Variants in PTPN1 observed in about 807,000 individuals in gnomAD.
The protein encoded by PTPN1 is protein tyrosine phosphatase non-receptor type 1.
Under a neutral mutation model 59.9 loss-of-function variants are expected in PTPN1, and 12 were observed. The ratio of observed to expected loss-of-function variants is 0.20; its 90% confidence interval spans 0.13 to 0.32. PTPN1 has a LOEUF of 0.32. PTPN1 is among the 10% of genes least tolerant of loss of function. The pLI is 1.00. For synonymous variants in PTPN1, 178 were observed against 203.6 expected, an observed-to-expected ratio of 0.87 and a Z score of 1.07; for missense variants, 356 against 549.2, an observed-to-expected ratio of 0.65 and a Z score of 3.52.
chr20:50,583,764 A>C lies in PTPN1; in HGVS notation c.*1049A>C, dbSNP rs1430335649. 1 of 152,658 alleles carries C rather than the reference A, an allele frequency of 6.6e-6. No homozygotes were observed. Among genetic ancestry groups the C allele is most frequent in the Non-Finnish European group, 1.5e-5 (1 of 68,058 alleles). 9.5% of individuals were successfully genotyped at this position (152,658 alleles called of 1,614,324 possible). On this transcript the variant is annotated 3_prime_UTR_variant, in exon 10 of 10. Coordinates refer to ENST00000371621, the MANE Select transcript of PTPN1 (RefSeq NM_002827.4). ...GAGGCCCAGCCTGTCCTGGTACAGC[A>C]GGGTCTTGCTGTAACTCAGACATTC...
chr20:50,576,207 C>T (rs1049000747), intron 5 of PTPN1, among the ~76,000 whole-genome samples: 2 of 152,162 alleles, frequency 1.3e-5, no homozygotes, highest in Non-Finnish European at 2.9e-5. Context: ...AGGATTTATG[C>T]AGTAGCCTTT....
intron 1 of PTPN1, among the ~76,000 whole-genome samples, chr20:50,513,582 C>G (rs2206656): frequency 0.42 from 64,493 of 151,990 alleles, 13,949 homozygotes; most frequent in African/African-American, 0.53. Context: ...TGCAATAATA[C>G]CTTGTGACAT....
chr20:50,551,659 G>T (rs1426060013), intron 1 of PTPN1, among the ~76,000 whole-genome samples: 1 of 152,218 alleles, frequency 6.6e-6, no homozygotes, highest in Non-Finnish European at 1.5e-5. Context: ...AACCACTGAG[G>T]TGTGGACTGG....
chr20:50,581,164 A>G (rs1258953017), intron 8 of PTPN1, 101 bp from the exon 9 acceptor site: 1 of 1,482,322 alleles, frequency 6.7e-7, no homozygotes, highest in South Asian at 1.4e-5. Flanking sequence ...CTCTGTCTAC[A>G]CGTGGCTTGT....
At chr20:50,510,742 C>T in intron 1 of PTPN1, 152 bp downstream of exon 1, 8 of 869,222 alleles carry the variant, frequency 9.2e-6, no homozygotes, top group Non-Finnish European at 1.3e-5. Context: ...ACTGCGTCCC[C>T]CCACCCTTTG....
chr20:50,552,191 C>G (rs1167261652), intron 1 of PTPN1, among the ~76,000 whole-genome samples: 2 of 152,116 alleles, frequency 1.3e-5, no homozygotes, highest in African/African-American at 4.8e-5. Context: ...GTTATAGTTA[C>G]CTTTAATTGC....
chr20:50,519,022 TACTG>T (rs916354330), intron 1 of PTPN1, among the ~76,000 whole-genome samples: 8 of 152,228 alleles, frequency 5.3e-5, no homozygotes, highest in East Asian at 1.9e-4. Context: ...CTTCATGTCT[TACTG>T]ACAGTTTTTC....
intron 2 of PTPN1, among the ~76,000 whole-genome samples, chr20:50,564,745 A>G (rs2082771037): frequency 6.6e-6 from 1 of 152,198 alleles, no homozygotes; most frequent in Admixed American, 6.5e-5. Flanking sequence ...AATATGGCTT[A>G]CTGCTGTTGC....
intron 1 of PTPN1, among the ~76,000 whole-genome samples, chr20:50,546,608 T>A (rs1408313193): frequency 6.6e-6 from 1 of 152,252 alleles, no homozygotes; most frequent in Non-Finnish European, 1.5e-5. Flanking sequence ...TGTGCCACTC[T>A]TGGAATACAA....
At chr20:50,537,522 T>C (rs550301554) in intron 1 of PTPN1, among the ~76,000 whole-genome samples, 1 of 152,346 alleles carries the variant, frequency 6.6e-6, no homozygotes, top group Non-Finnish European at 1.5e-5. Flanking sequence ...CACGTGTGTA[T>C]GCATTGTGTT....
chr20:50,521,393 G>A (rs985080082), intron 1 of PTPN1, among the ~76,000 whole-genome samples: 2 of 152,246 alleles, frequency 1.3e-5, no homozygotes, highest in African/African-American at 4.8e-5. Flanking sequence ...ATGCAATGCT[G>A]TTTATTATAT....
In PTPN1 at chr20:50,582,887, A is replaced by AC; in HGVS notation, c.*176dup. On this transcript the variant is annotated 3_prime_UTR_variant, in exon 10 of 10. Coordinates refer to ENST00000371621, the MANE Select transcript of PTPN1 (RefSeq NM_002827.4). The surrounding 1 kb of genome is among the most constrained non-coding windows in gnomAD (Gnocchi z 4.2). ...CCCATCTTCCCCGGATGTGTGTCTC[A>AC]CCCCTCATCCTTTTACTTTTTGCCC... is the stretch of plus-strand genomic sequence containing the variant. The AC allele has an allele frequency of 1.4e-6, 1 of 698,002 alleles. No homozygotes were observed. Among genetic ancestry groups the AC allele is most frequent in the Non-Finnish European group, 2.4e-6 (1 of 415,056 alleles). The allele number at this position is 698,002 out of a possible 1,614,324, so 43.2% of individuals were successfully genotyped here. A position where few individuals can be genotyped will look rare whatever the true frequency, so the allele number is the denominator to read the frequency against.
At chr20:50,547,788 G>A (rs1285591839) in intron 1 of PTPN1, among the ~76,000 whole-genome samples, 1 of 152,144 alleles carries the variant, frequency 6.6e-6, no homozygotes, top group East Asian at 1.9e-4. Context: ...TAATTTTTCA[G>A]TTCTGAAACT....
At chr20:50,565,159 C>G in intron 3 of PTPN1, 90 bp downstream of exon 3, 1 of 1,309,166 alleles carries the variant, frequency 7.6e-7, no homozygotes, top group Non-Finnish European at 1.0e-6. Flanking sequence ...CTGCCACATC[C>G]TTTAGAAGGT....
chr20:50,539,991 T>A (rs987913189), intron 1 of PTPN1, among the ~76,000 whole-genome samples: 1 of 152,254 alleles, frequency 6.6e-6, no homozygotes, highest in South Asian at 2.1e-4. Flanking sequence ...TGTGTATGTT[T>A]GATCTTCTTT....
chr20:50,580,998 C>T (rs903416295), intron 8 of PTPN1, among the ~76,000 whole-genome samples: 5 of 152,284 alleles, frequency 3.3e-5, no homozygotes, highest in Middle Eastern at 3.4e-3. Flanking sequence ...AGTGACCAGT[C>T]GCCCAGGCAC....
chr20:50,525,476 G>A (rs1196254859), intron 1 of PTPN1, among the ~76,000 whole-genome samples: 1 of 152,210 alleles, frequency 6.6e-6, no homozygotes, highest in Admixed American at 6.5e-5. Flanking sequence ...TATAGAAGCA[G>A]TCTCTCTGCC....
intron 4 of PTPN1, chr20:50,570,885 T>C (rs1178678225): frequency 6.6e-6 from 1 of 152,188 alleles, no homozygotes; most frequent in Admixed American, 6.5e-5. Context: ...GTAGGCCAAA[T>C]TGCCCCCGGT....
At chr20:50,537,979 T>C (rs1188287554) in intron 1 of PTPN1, among the ~76,000 whole-genome samples, 3 of 152,136 alleles carry the variant, frequency 2.0e-5, no homozygotes, top group Non-Finnish European at 1.5e-5. Flanking sequence ...GGCTTTGAGC[T>C]TTTGCTCTTC....
Sources: gnomAD v4.1 joint callset for allele counts (sites outside exome capture counted in the v4.1 genomes callset) on GRCh38, gnomAD v4.1.1 for gene constraint, Gnocchi (gnomAD v3.1) non-coding constraint, MANE v1.5 for transcripts, NCBI Gene and HGNC (gene_info 2026-07-23, HGNC 2026-07-21) for gene names.